PTER: variants seen among roughly 807,000 people sequenced by gnomAD.
PTER encodes N-acetyltaurine hydrolase.
A neutral mutation model predicts 29.6 loss-of-function variants in PTER; 38 were observed. The observed-to-expected ratio is 1.28, with a 90% confidence interval of 0.99 to 1.68. PTER has a LOEUF of 1.68. Ranked by LOEUF, PTER falls within the 40% of genes most tolerant of loss-of-function variation. The pLI is 0.00. For synonymous variants in PTER, 172 were observed against 154.5 expected, an observed-to-expected ratio of 1.11 and a Z score of -0.84; for missense variants, 482 against 427.8, an observed-to-expected ratio of 1.13 and a Z score of -1.12.
chr10:16,490,601 C>G (rs1254498053), intron 3 of PTER, among the ~76,000 whole-genome samples: 1 of 151,710 alleles, frequency 6.6e-6, no homozygotes, highest in Non-Finnish European at 1.5e-5. Flanking sequence ...TTCCCACCAG[C>G]TAAACCAAGC....
At chr10:16,482,516 G>A (rs1046165098) in intron 1 of PTER, among the ~76,000 whole-genome samples, 3 of 152,148 alleles carry the variant, frequency 2.0e-5, no homozygotes, top group African/African-American at 7.2e-5. Flanking sequence ...TTTTACGACA[G>A]TCTATGAAAT....
At chr10:16,480,431 A>T (rs1835436803) in intron 1 of PTER, among the ~76,000 whole-genome samples, 1 of 151,962 alleles carries the variant, frequency 6.6e-6, no homozygotes, top group Non-Finnish European at 1.5e-5. Flanking sequence ...CCTGGCCTTA[A>T]GTGATCTGCC....
At chr10:16,504,755 A>G (rs1476639428) in intron 3 of PTER, among the ~76,000 whole-genome samples, 1 of 152,244 alleles carries the variant, frequency 6.6e-6, no homozygotes, top group African/African-American at 2.4e-5. Context: ...CTCTGGAATA[A>G]TGGAAGCATC....
At chr10:16,478,570 G>C (rs1488486354) in intron 1 of PTER, among the ~76,000 whole-genome samples, 1 of 151,918 alleles carries the variant, frequency 6.6e-6, no homozygotes, top group Non-Finnish European at 1.5e-5. Flanking sequence ...CTGACCTCAG[G>C]TGATTTGCCT....
chr10:16,508,505 G>C lies in PTER; in HGVS notation c.840-2541G>C, dbSNP rs914735702. Among the ~76,000 whole-genome samples, 6 of 152,192 alleles carry C rather than the reference G, an allele frequency of 3.9e-5. No homozygotes were observed. The South Asian group carries it at 1.2e-3, about 32-fold the overall frequency. On this transcript the variant is annotated intron_variant, in intron 4 of 4. Coordinates refer to ENST00000535784, the MANE Select transcript of PTER (RefSeq NM_001261836.2). ...TCGCATGAGGCTCCCAGACCTTCTA[G>C]AACAAGAGAAAGAAGATCCGTAAAG...
intron 1 of PTER, among the ~76,000 whole-genome samples, chr10:16,452,688 C>T (rs931491612): frequency 1.3e-5 from 2 of 151,724 alleles, no homozygotes; most frequent in African/African-American, 4.8e-5. Flanking sequence ...TTCTCCTTCT[C>T]CTTCTCCTTC....
intron 1 of PTER, among the ~76,000 whole-genome samples, chr10:16,473,229 G>T (rs1263630048): frequency 6.6e-6 from 1 of 151,862 alleles, no homozygotes; most frequent in Non-Finnish European, 1.5e-5. Flanking sequence ...AATAAAGGAG[G>T]CCTTCTGCCC....
rs1214090481 is a variant in PTER, at chr10:16,476,901, C to CTCTCTCTCTTTTTTTTTTTTT, written c.-48-7435_-48-7434insCTCTCTCTTTTTTTTTTTTTT. Among the ~76,000 whole-genome samples the CTCTCTCTCTTTTTTTTTTTTT allele has an allele frequency of 2.0e-4, 20 of 100,364 alleles. 4 individuals are homozygous for CTCTCTCTCTTTTTTTTTTTTT. Among genetic ancestry groups the CTCTCTCTCTTTTTTTTTTTTT allele is most frequent in the African/African-American group, 8.9e-4 (20 of 22,350 alleles). 65.8% of individuals were successfully genotyped at this position (100,364 alleles called of 152,430 possible). ...CAAACCACCCCTCCATCCTAGAATT[C>CTCTCTCTCTTTTTTTTTTTTT]TTTTTTTTTTTTTTTTTTTTTTGAG... is the stretch of plus-strand genomic sequence containing the variant. On this transcript the variant is annotated intron_variant, in intron 1 of 4. Coordinates refer to ENST00000535784, the MANE Select transcript of PTER (RefSeq NM_001261836.2).
chr10:16,515,780 A>T (rs1230826089), downstream of PTER, among the ~76,000 whole-genome samples: 1 of 152,190 alleles, frequency 6.6e-6, no homozygotes, highest in East Asian at 1.9e-4. Flanking sequence ...TCAGTAAAAC[A>T]TCTTCTACTT....
chr10:16,491,432 ACT>A lies in PTER; in HGVS notation c.698+4820_698+4821del, dbSNP rs1396590015. Among the ~76,000 whole-genome samples, 4 of 152,040 alleles carry A rather than the reference ACT, an allele frequency of 2.6e-5. No homozygotes were observed. In the East Asian group the frequency reaches 7.7e-4, roughly 29 times the overall value. On this transcript the variant is annotated intron_variant, in intron 3 of 4. Transcript: ENST00000535784. ...GTTTGACTGGGTCAGCCTCTCACAG[ACT>A]CTCTGAGGTCTGCAGGGCTGTGCAT...
At chr10:16,477,567 A>G (rs1835325706) in intron 1 of PTER, among the ~76,000 whole-genome samples, 1 of 152,162 alleles carries the variant, frequency 6.6e-6, no homozygotes, top group Admixed American at 6.5e-5. Flanking sequence ...ATTTCAAGCT[A>G]AAGGAATCAC....
At chr10:16,508,682 C>CTG (rs771158666) in intron 4 of PTER, among the ~76,000 whole-genome samples, 19 of 145,464 alleles carry the variant, frequency 1.3e-4, no homozygotes, top group Admixed American at 1.4e-4. Flanking sequence ...TAATATAAAT[C>CTG]TGTGTATATA....
rs1292874796 is a variant in PTER at position 16,511,857 on chromosome 10, A to G, written c.*601A>G. On this transcript the variant is annotated 3_prime_UTR_variant, in exon 5 of 5. Transcript: ENST00000535784. ...CCTATCTATATATTCTTCTACTGAA[A>G]TGATTTTGATATCTTTGGCTTTCCG... is the stretch of plus-strand genomic sequence containing the variant. The G allele has an allele frequency of 1.3e-5, 2 of 152,916 alleles. No homozygotes were observed. Among genetic ancestry groups the G allele is most frequent in the Non-Finnish European group, 2.9e-5 (2 of 68,266 alleles). The allele number at this position is 152,916 out of a possible 1,614,324, so 9.5% of individuals were successfully genotyped here.
chr10:16,510,253 C>T (rs984784298), intron 4 of PTER, among the ~76,000 whole-genome samples: 7 of 152,184 alleles, frequency 4.6e-5, no homozygotes, highest in African/African-American at 1.4e-4. Flanking sequence ...CAGATTCCAG[C>T]ATTTAACAAA....
intron 1 of PTER, among the ~76,000 whole-genome samples, chr10:16,465,757 G>A (rs1393985215): frequency 1.3e-5 from 2 of 152,116 alleles, no homozygotes; most frequent in African/African-American, 4.8e-5. Flanking sequence ...AATTTATAAT[G>A]GAAAGAGGTT....
intron 3 of PTER, among the ~76,000 whole-genome samples, chr10:16,498,730 C>G (rs1836214140): frequency 6.6e-6 from 1 of 152,160 alleles, no homozygotes; most frequent in Admixed American, 6.5e-5. Flanking sequence ...CTGTTTAATC[C>G]TCATCTGCTG....
intron 1 of PTER, among the ~76,000 whole-genome samples, chr10:16,467,939 T>G (rs1477253562): frequency 1.3e-5 from 2 of 152,166 alleles, no homozygotes; most frequent in East Asian, 3.8e-4. Flanking sequence ...TTTCCATGCT[T>G]TTTAATAATT....
Position 16,511,908 on chromosome 10 carries a change from C to G in PTER, c.*652C>G, listed in dbSNP as rs1204425061. 1 of 152,626 alleles carries G rather than the reference C, an allele frequency of 6.6e-6. No homozygotes were observed. Among genetic ancestry groups the G allele is most frequent in the Non-Finnish European group, 1.5e-5 (1 of 68,140 alleles). 9.5% of individuals were successfully genotyped at this position (152,626 alleles called of 1,614,324 possible). A position where few individuals can be genotyped will look rare whatever the true frequency, so the allele number is the denominator to read the frequency against. On this transcript the variant is annotated 3_prime_UTR_variant, in exon 5 of 5. Coordinates refer to ENST00000535784, the MANE Select transcript of PTER (RefSeq NM_001261836.2). ...GTATCTATTTTTGCCATACATTTTG[C>G]TGTTTTGCAAAGTTTGTATAAGAAC...
intron 1 of PTER, among the ~76,000 whole-genome samples, chr10:16,448,862 A>T (rs1310893430): frequency 6.6e-6 from 1 of 152,244 alleles, no homozygotes; most frequent in Non-Finnish European, 1.5e-5. Context: ...CCTTATGGAT[A>T]GGAATGGAGA....
Sources: allele counts gnomAD v4.1 joint callset (sites outside exome capture counted in the v4.1 genomes callset), GRCh38; gene constraint gnomAD v4.1.1; transcripts MANE v1.5; gene names NCBI Gene and HGNC (gene_info 2026-07-23, HGNC 2026-07-21).